Variants in ARHGAP28 observed in about 807,000 individuals in gnomAD.
ARHGAP28 encodes Rho GTPase activating protein 28.
ARHGAP28 carries 56 observed loss-of-function variants against 90.7 expected under a neutral mutation model. That is an observed-to-expected ratio of 0.62 (90% CI 0.50 to 0.77). The LOEUF (loss-of-function observed/expected upper bound fraction) is 0.77, where lower values mean the gene tolerates loss of function less well. Among genes scored for constraint, ARHGAP28 ranks in the 30% least tolerant of loss-of-function variants. ARHGAP28 has a pLI of 0.00. For missense variants in ARHGAP28, 869 were observed against 900.9 expected (o/e 0.96, Z 0.45); for synonymous variants, 308 against 323.3 (o/e 0.95, Z 0.51).
At position 6,730,441 on chromosome 18, in the gene ARHGAP28, T is replaced by G. The variant is rs541698505; in HGVS notation, c.122+498T>G. Among the ~76,000 whole-genome samples the G allele has an allele frequency of 2.0e-5, 3 of 152,244 alleles. No individual in the cohort carries two copies. The South Asian group carries it at 6.2e-4, about 32-fold the overall frequency. On this transcript the variant is annotated intron_variant, in intron 1 of 17. Coordinates refer to ENST00000383472, the MANE Select transcript of ARHGAP28 (RefSeq NM_001366230.1). Reference sequence around the variant, plus strand: ...TCTAAAAAGTACACCTCAATAGACTTTTAAAGACAATTTTATTTCTACATG... The same window carrying G: ...TCTAAAAAGTACACCTCAATAGACTGTTAAAGACAATTTTATTTCTACATG...
rs1388283527 is a variant in ARHGAP28 at position 6,889,935 on chromosome 18, C to G, written c.1584C>G (p.Asn528Lys). The G allele has an allele frequency of 2.5e-6, 4 of 1,614,060 alleles. No individual in the cohort carries two copies. Among genetic ancestry groups the G allele is most frequent in the Non-Finnish European group, 3.4e-6 (4 of 1,180,022 alleles). Residue 528 changes from asparagine (N) to lysine (K), a missense_variant, in exon 13 of 18, where the codon AAC (asparagine) becomes AAG (lysine). Physicochemically the swap from Asn to Lys is moderately conservative, Grantham distance 94. Coordinates refer to ENST00000383472, the MANE Select transcript of ARHGAP28 (RefSeq NM_001366230.1). ...AAGTGATTGCCAATGAATCAAAAAA[C>G]CGAATGAGTCTGTGGAACATTTCTA... Reference protein sequence around the residue: ...FNKVIANESKNRMSLWNISTV... With the variant: ...FNKVIANESKKRMSLWNISTV...
chr18:6,778,043 T>A (rs1307889692), intron 1 of ARHGAP28, among the ~76,000 whole-genome samples: 1 of 152,178 alleles, frequency 6.6e-6, no homozygotes, highest in African/African-American at 2.4e-5. Flanking sequence ...AGCAAAGCCA[T>A]TAGCTCTTGG....
At chr18:6,730,592 T>A (rs983020382) in intron 1 of ARHGAP28, among the ~76,000 whole-genome samples, 2 of 152,344 alleles carry the variant, frequency 1.3e-5, no homozygotes, top group Admixed American at 1.3e-4. Context: ...TCTCATCCTG[T>A]ACATTTCAGA....
chr18:6,855,522 G>C (rs2056945838), intron 4 of ARHGAP28, among the ~76,000 whole-genome samples: 1 of 152,188 alleles, frequency 6.6e-6, no homozygotes, highest in South Asian at 2.1e-4. Context: ...TCTCTGTCTT[G>C]CTCACCCTCC....
intron 10 of ARHGAP28, among the ~76,000 whole-genome samples, chr18:6,877,664 A>G (rs1010372362): frequency 2.6e-5 from 4 of 152,140 alleles, no homozygotes; most frequent in African/African-American, 9.7e-5. Context: ...GTTCTTGTGG[A>G]AGGCAGGGAA....
At chr18:6,807,711 A>T (rs1032915743) in intron 1 of ARHGAP28, among the ~76,000 whole-genome samples, 3 of 152,144 alleles carry the variant, frequency 2.0e-5, no homozygotes, top group African/African-American at 7.2e-5. Context: ...TAGTTTCCAT[A>T]TATGAATTTG....
At chr18:6,777,282 T>A (rs1487779680) in intron 1 of ARHGAP28, among the ~76,000 whole-genome samples, 3 of 152,118 alleles carry the variant, frequency 2.0e-5, no homozygotes, top group Non-Finnish European at 4.4e-5. Context: ...AAATGACAAG[T>A]GTGTAATGAT....
At chr18:6,744,038 G>GA (rs559621066) in intron 1 of ARHGAP28, among the ~76,000 whole-genome samples, 115 of 150,432 alleles carry the variant, frequency 7.6e-4, no homozygotes, top group Non-Finnish European at 1.5e-3. Flanking sequence ...ATGAATGATT[G>GA]AAAAAAAAAG....
chr18:6,769,365 C>T (rs2056224720), intron 1 of ARHGAP28, among the ~76,000 whole-genome samples: 2 of 152,178 alleles, frequency 1.3e-5, no homozygotes, highest in South Asian at 4.1e-4. Flanking sequence ...CTAACTGGGG[C>T]TCCATGTCTA....
chr18:6,882,317 T>C lies in ARHGAP28; in HGVS notation c.1453+18T>C, dbSNP rs780646368. On this transcript the variant is annotated intron_variant, in intron 11 of 17. Coordinates refer to ENST00000383472, the MANE Select transcript of ARHGAP28 (RefSeq NM_001366230.1). ...AATGGAAAGTAGGTGGAAGACGTTA[T>C]ATGTGAATACGCTAAGATATAAGGT... The C allele has an allele frequency of 1.9e-6, 3 of 1,605,554 alleles. No individual in the cohort carries two copies. The highest frequency in any genetic ancestry group is 1.1e-5 in the South Asian group (1 of 89,398).
At chr18:6,894,044 T>G (rs2057286828) in intron 14 of ARHGAP28, among the ~76,000 whole-genome samples, 1 of 152,048 alleles carries the variant, frequency 6.6e-6, no homozygotes, top group South Asian at 2.1e-4. Context: ...TTTTTTTGTA[T>G]TTTTAGTAAA....
chr18:6,828,993 G>T (rs1193564290), intron 2 of ARHGAP28, among the ~76,000 whole-genome samples: 1 of 152,168 alleles, frequency 6.6e-6, no homozygotes, highest in Admixed American at 6.5e-5. Context: ...CCATTTCTGA[G>T]TCTCTTTCTC....
rs986736454 is a variant in ARHGAP28, at chr18:6,832,092, G to T, written c.326-5105G>T. Among the ~76,000 whole-genome samples, 6 of 151,966 alleles carry T rather than the reference G, an allele frequency of 3.9e-5. No individual in the cohort carries two copies. In the East Asian group the frequency reaches 9.7e-4, roughly 24 times the overall value. The stretch of plus-strand genomic sequence containing the variant: ...TTAATTTTAAATCTTTCATCTTTTT[G>T]AATATGTACAGTTCTTTATAAGCAT... On this transcript the variant is annotated intron_variant, in intron 2 of 17. Transcript: ENST00000383472.
intron 1 of ARHGAP28, among the ~76,000 whole-genome samples, chr18:6,794,487 G>C (rs193262719): frequency 6.6e-6 from 1 of 152,164 alleles, no homozygotes; most frequent in Non-Finnish European, 1.5e-5. Flanking sequence ...GTAACAATGC[G>C]CATTACTGCT....
chr18:6,909,301 T>TTTTC (rs56989288), intron 17 of ARHGAP28, among the ~76,000 whole-genome samples: 1,682 of 31,560 alleles, frequency 0.053, 83 homozygotes, highest in Middle Eastern at 0.13. Context: ...TTTTCTTTTC[T>TTTTC]TTTTTTTTTG....
At chr18:6,776,664 G>A (rs576256544) in intron 1 of ARHGAP28, among the ~76,000 whole-genome samples, 30 of 152,294 alleles carry the variant, frequency 2.0e-4, no homozygotes, top group African/African-American at 7.2e-4. Flanking sequence ...TGAGGAGGAG[G>A]ATTATAATAG....
At chr18:6,906,350 C>T (rs2143845812) in intron 16 of ARHGAP28, among the ~76,000 whole-genome samples, 1 of 152,278 alleles carries the variant, frequency 6.6e-6, no homozygotes, top group South Asian at 2.1e-4. Flanking sequence ...AATACATTCA[C>T]ATTGTTGTGC....
intron 1 of ARHGAP28, among the ~76,000 whole-genome samples, chr18:6,811,616 C>T (rs939323228): frequency 1.3e-5 from 2 of 152,110 alleles, no homozygotes; most frequent in Non-Finnish European, 2.9e-5. Context: ...GCTCTAGAAA[C>T]TTTCGCTTAC....
At chr18:6,786,357 C>A (rs1246176528) in intron 1 of ARHGAP28, among the ~76,000 whole-genome samples, 1 of 152,044 alleles carries the variant, frequency 6.6e-6, no homozygotes. Context: ...ATTTTCCTAA[C>A]TATGCCAGTC....
Sources: gnomAD v4.1 joint callset for allele counts (sites outside exome capture counted in the v4.1 genomes callset) on GRCh38, gnomAD v4.1.1 for gene constraint, MANE v1.5 for transcripts, NCBI Gene and HGNC (gene_info 2026-07-23, HGNC 2026-07-21) for gene names.